The following PRKACB variants were observed in gnomAD, a reference collection of about 807,000 sequenced individuals.
PRKACB encodes cAMP-dependent protein kinase catalytic subunit beta.
PRKACB carries 16 observed loss-of-function variants against 51.4 expected under a neutral mutation model. The observed-to-expected ratio is 0.31, with a 90% CI of 0.21 to 0.47. The LOEUF is 0.47. Among genes scored for constraint, PRKACB ranks in the 20% least tolerant of loss-of-function variants. The pLI, the probability that PRKACB is intolerant of heterozygous loss-of-function variation, is 1.00. For synonymous variants in PRKACB, 147 were observed against 154.4 expected (o/e 0.95, Z 0.35); for missense variants, 309 against 464.5 (o/e 0.67, Z 3.08).
chr1:84,166,688 A>G (rs1657581499), intron 1 of PRKACB, among the ~76,000 whole-genome samples: 3 of 151,714 alleles, frequency 2.0e-5, no homozygotes. Context: ...TTTATTTGTA[A>G]AAATAAGCAA....
At chr1:84,193,607 T>C (rs951189545) in intron 5 of PRKACB, among the ~76,000 whole-genome samples, 8 of 152,272 alleles carry the variant, frequency 5.3e-5, no homozygotes, top group Non-Finnish European at 1.0e-4. Flanking sequence ...TGGTGAGTGA[T>C]GGTGGTGGGT....
intron 7 of PRKACB, among the ~76,000 whole-genome samples, chr1:84,199,424 T>C (rs1669409047): frequency 6.6e-6 from 1 of 152,146 alleles, no homozygotes; most frequent in African/African-American, 2.4e-5. Context: ...TGTTCTGCAT[T>C]AGTTTGCTGA....
chr1:84,192,299 T>C (rs1399281108), intron 5 of PRKACB, among the ~76,000 whole-genome samples: 1 of 152,152 alleles, frequency 6.6e-6, no homozygotes, highest in Non-Finnish European at 1.5e-5. Flanking sequence ...GAATGAATTA[T>C]GTGAGGAGAC....
chr1:84,093,689 G>C (rs1211510259), intron 1 of PRKACB, among the ~76,000 whole-genome samples: 4 of 151,838 alleles, frequency 2.6e-5, no homozygotes, highest in Admixed American at 6.6e-5. Flanking sequence ...AGTTTGAGAA[G>C]AATTTTCATC....
At chr1:84,172,314 C>T (rs1011675786) in intron 1 of PRKACB, among the ~76,000 whole-genome samples, 2 of 151,602 alleles carry the variant, frequency 1.3e-5, no homozygotes, top group African/African-American at 4.8e-5. Context: ...AATACTGCTA[C>T]AGGAAAAAGC....
chr1:84,157,621 C>A (rs754941082), intron 1 of PRKACB, among the ~76,000 whole-genome samples: 3 of 152,038 alleles, frequency 2.0e-5, no homozygotes, highest in Non-Finnish European at 4.4e-5. Flanking sequence ...ATTTTCATTT[C>A]TGGATGTTTT....
chr1:84,228,940 T>A (rs945873276), intron 9 of PRKACB, among the ~76,000 whole-genome samples: 94 of 151,890 alleles, frequency 6.2e-4, no homozygotes, highest in Admixed American at 8.5e-4. Flanking sequence ...TTTTTTTTTT[T>A]ATTATTATAC....
At chr1:84,213,019 A>T (rs1442187889) in intron 8 of PRKACB, among the ~76,000 whole-genome samples, 1 of 152,194 alleles carries the variant, frequency 6.6e-6, no homozygotes, top group Non-Finnish European at 1.5e-5. Flanking sequence ...TGATGGTAGT[A>T]CTTGTAGTGG....
chr1:84,178,393 A>G (rs1175874919), intron 1 of PRKACB, among the ~76,000 whole-genome samples: 2 of 152,012 alleles, frequency 1.3e-5, no homozygotes, highest in African/African-American at 4.8e-5. Context: ...AAATGGGGAA[A>G]GTTTTAACTG....
intron 1 of PRKACB, among the ~76,000 whole-genome samples, chr1:84,110,223 A>C (rs1361118740): frequency 1.3e-5 from 2 of 151,950 alleles, no homozygotes; most frequent in Non-Finnish European, 2.9e-5. Flanking sequence ...CAACAATATG[A>C]AATAATACAA....
intron 8 of PRKACB, among the ~76,000 whole-genome samples, chr1:84,203,100 AGTTT>A (rs911701390): frequency 1.3e-5 from 2 of 152,042 alleles, no homozygotes; most frequent in African/African-American, 4.8e-5. Flanking sequence ...AAATAAAAAT[AGTTT>A]ATTATTTCAT....
intron 5 of PRKACB, among the ~76,000 whole-genome samples, chr1:84,191,539 C>T (rs765767514): frequency 6.1e-4 from 93 of 152,192 alleles, no homozygotes; most frequent in Middle Eastern, 6.8e-3. Context: ...AACATAGAAG[C>T]TGCTGGAGGT....
chr1:84,094,662 T>C (rs1422568765), intron 1 of PRKACB, among the ~76,000 whole-genome samples: 1 of 151,956 alleles, frequency 6.6e-6, no homozygotes, highest in Non-Finnish European at 1.5e-5. Flanking sequence ...TCCAATGACT[T>C]TTGAAGAGAC....
At chr1:84,120,385 G>A (rs1650962535) in intron 1 of PRKACB, among the ~76,000 whole-genome samples, 1 of 152,054 alleles carries the variant, frequency 6.6e-6, no homozygotes, top group Non-Finnish European at 1.5e-5. Flanking sequence ...GGCAATTCTT[G>A]TGATGTGCTT....
At chr1:84,161,025 A>G (rs1656118726) in intron 1 of PRKACB, among the ~76,000 whole-genome samples, 1 of 151,698 alleles carries the variant, frequency 6.6e-6, no homozygotes, top group African/African-American at 2.4e-5. Flanking sequence ...CTCTTTTCCA[A>G]TTTCCTGTCT....
At chr1:84,100,158 GGAGA>G (rs1433576716) in intron 1 of PRKACB, among the ~76,000 whole-genome samples, 1 of 152,178 alleles carries the variant, frequency 6.6e-6, no homozygotes. Flanking sequence ...CAAGGTGACA[GGAGA>G]GAGTGTGAGC....
chr1:84,196,886 T>TA lies in PRKACB; in HGVS notation c.687+145dup, dbSNP rs1490284627. 3.4e-5 allele frequency: 30 copies of TA among 875,570 alleles called. 1 individual carries two copies. The highest frequency in any genetic ancestry group is 4.9e-5 in the Non-Finnish European group (29 of 589,430). The allele number at this position is 875,570 out of a possible 1,614,324, so 54.2% of individuals were successfully genotyped here. A position where few individuals can be genotyped will look rare whatever the true frequency, so the allele number is the denominator to read the frequency against. ...GTAGAGCTCAGAGTTTTGCTGCTAT[T>TA]ACAGAGAAGCAAAAATCCTGTTATG... On this transcript the variant is annotated intron_variant, in intron 6 of 9. Transcript: ENST00000370685.
At chr1:84,217,848 T>G (rs995079740) in intron 9 of PRKACB, among the ~76,000 whole-genome samples, 5 of 152,184 alleles carry the variant, frequency 3.3e-5, no homozygotes, top group Non-Finnish European at 7.3e-5. Context: ...AACTTCTATT[T>G]TCTTTTAGTG....
chr1:84,204,473 TC>T, intron 8 of PRKACB: 1 of 1,576,110 alleles, frequency 6.3e-7, no homozygotes, highest in Admixed American at 1.7e-5. Flanking sequence ...AATTGTTTTC[TC>T]CCAGCAGAAC....
Sources: allele counts gnomAD v4.1 joint callset (sites outside exome capture counted in the v4.1 genomes callset), GRCh38; gene constraint gnomAD v4.1.1; transcripts MANE v1.5; gene names NCBI Gene and HGNC (gene_info 2026-07-23, HGNC 2026-07-21).